Variants in CCNL1 observed in about 807,000 individuals in gnomAD.
The protein encoded by CCNL1 is cyclin L1.
CCNL1 carries 13 observed loss-of-function variants against 60.6 expected under a neutral mutation model. The observed-to-expected ratio is 0.21, with a 90% CI of 0.14 to 0.34. The LOEUF (loss-of-function observed/expected upper bound fraction) is 0.34, where lower values mean the gene tolerates loss of function less well. Ranked by LOEUF, CCNL1 falls within the 10% of genes least tolerant of loss-of-function variation. The probability of loss-of-function intolerance (pLI) is 1.00; values close to 1 mark genes in which losing one functional copy is unlikely to be tolerated. For synonymous variants in CCNL1, 270 were observed against 244.3 expected (o/e 1.10, Z -0.98); for missense variants, 481 against 664.3 (o/e 0.72, Z 3.03).
At chr3:157,146,061 G>A (rs1737775026), downstream of CCNL1, among the ~76,000 whole-genome samples, 1 of 152,214 alleles carries the variant, frequency 6.6e-6, no homozygotes, top group South Asian at 2.1e-4. Flanking sequence ...CTTGTGGACT[G>A]AGACACTTGG....
At chr3:157,145,466 C>CAAAAAAAAAAAAAAAAAAAAAA (rs1737755942), downstream of CCNL1, among the ~76,000 whole-genome samples, 18 of 88,976 alleles carry the variant, frequency 2.0e-4, 2 homozygotes, top group African/African-American at 7.8e-4. Context: ...AAAAAAAAAC[C>CAAAAAAAAAAAAAAAAAAAAAA]AAAACGGGAT....
At position 157,149,552 on chromosome 3, in the gene CCNL1, T is replaced by C. The variant is rs753890704; in HGVS notation, c.1066A>G (p.Ile356Val). Residue 356 changes from isoleucine (I) to valine (V), a missense_variant, in exon 9 of 11, where the codon ATT becomes GTT. Ile to Val is a conservative substitution (Grantham distance 29). Around this residue, in one of 5 missense-constraint regions of CCNL1, gnomAD observed 197 missense variants for 233.9 expected, o/e 0.84. Transcript: ENST00000295926. ...TCTTTTTTGACTGTCTTCACATTAA[T>C]GGAGATTGGTGATTTCTCTTCAGCT... is the stretch of plus-strand genomic sequence containing the variant. The part of the protein sequence containing the change: ...VKAEEKSPIS[I>V]NVKTVKKEPE... 14 of 1,613,934 alleles carry C rather than the reference T, an allele frequency of 8.7e-6. No individual in the cohort carries two copies. The East Asian group carries it at 2.9e-4, about 33-fold the overall frequency.
downstream of CCNL1, among the ~76,000 whole-genome samples, chr3:157,147,052 G>A (rs951755052): frequency 1.3e-5 from 2 of 152,188 alleles, no homozygotes; most frequent in Non-Finnish European, 2.9e-5. Flanking sequence ...TTCAGAAGCT[G>A]TAACTTTATT....
At chr3:157,158,813 G>A in intron 3 of CCNL1, 53 bp downstream of exon 3, 3 of 1,131,894 alleles carry the variant, frequency 2.7e-6, no homozygotes, top group Non-Finnish European at 4.0e-6. Flanking sequence ...TTGATGACTG[G>A]TGCACGGTAC....
At chr3:157,157,804 G>A (rs986991112) in intron 3 of CCNL1, among the ~76,000 whole-genome samples, 6 of 152,280 alleles carry the variant, frequency 3.9e-5, no homozygotes, top group African/African-American at 1.4e-4. Context: ...TCACAGAATA[G>A]ACTAGTCATC....
At chr3:157,158,748 T>G in intron 3 of CCNL1, 118 bp downstream of exon 3, 3 of 630,894 alleles carry the variant, frequency 4.8e-6, no homozygotes, top group Non-Finnish European at 8.3e-6. Context: ...AACACCTAAA[T>G]TAAAGTCCGT....
At chr3:157,147,077 T>C (rs1577066180), downstream of CCNL1, among the ~76,000 whole-genome samples, 3 of 152,336 alleles carry the variant, frequency 2.0e-5, no homozygotes, top group South Asian at 6.2e-4. Flanking sequence ...AAAATATCCT[T>C]AGCAGTAATA....
chr3:157,144,413 G>T (rs1737725258), downstream of CCNL1, among the ~76,000 whole-genome samples: 1 of 152,202 alleles, frequency 6.6e-6, no homozygotes, highest in Non-Finnish European at 1.5e-5. Flanking sequence ...TACACAAAAT[G>T]TTGTAAGGGC....
Position 157,148,219 on chromosome 3 carries a change from G to A in CCNL1, c.*22C>T. 1 of 1,601,894 alleles carries A rather than the reference G, an allele frequency of 6.2e-7. No homozygotes were observed. Among genetic ancestry groups the A allele is most frequent in the Non-Finnish European group, 8.5e-7 (1 of 1,173,474 alleles). ...TAGATAGGCAAAACCAAGAACTGATGCAGGCTCAAAGGAAGAGAAAGTCAG... is the reference window on the plus strand; with the variant it reads ...TAGATAGGCAAAACCAAGAACTGATACAGGCTCAAAGGAAGAGAAAGTCAG... On this transcript the variant is annotated 3_prime_UTR_variant, in exon 11 of 11. Transcript: ENST00000295926.
At chr3:157,156,024 G>C (rs1303923077) in intron 3 of CCNL1, among the ~76,000 whole-genome samples, 1 of 152,170 alleles carries the variant, frequency 6.6e-6, no homozygotes, top group Non-Finnish European at 1.5e-5. Flanking sequence ...TGGTTTGTTA[G>C]AGGAGCTATT....
intron 4 of CCNL1, chr3:157,152,788 C>T: frequency 8.2e-7 from 1 of 1,219,706 alleles, no homozygotes; most frequent in South Asian, 2.0e-5. Context: ...ACTTTAACCA[C>T]AGAAACAAAA....
At chr3:157,156,567 A>C (rs1339737793) in intron 3 of CCNL1, among the ~76,000 whole-genome samples, 5 of 152,194 alleles carry the variant, frequency 3.3e-5, no homozygotes, top group Non-Finnish European at 5.9e-5. Context: ...TGAAGGAGGA[A>C]TAGGCCAAAC....
At chr3:157,155,625 C>T (rs547943129) in intron 3 of CCNL1, among the ~76,000 whole-genome samples, 120 of 152,204 alleles carry the variant, frequency 7.9e-4, no homozygotes, top group African/African-American at 2.7e-3. Context: ...ACGGTGCACA[C>T]GTAATTTACA....
downstream of CCNL1, among the ~76,000 whole-genome samples, chr3:157,145,396 C>CCACTG (rs1737747899): frequency 1.5e-5 from 2 of 132,332 alleles, no homozygotes; most frequent in Middle Eastern, 4.3e-3. Context: ...CGAGATCGTG[C>CCACTG]CACTGCACTC....
rs2108106173 is a variant in CCNL1, at chr3:157,147,735, G to A, written c.*506C>T. ...ATAAGTTTGTCAGAAAACCAGTACA[G>A]CCATTTTGCTATTAAAATTTTCCTT... On this transcript the variant is annotated 3_prime_UTR_variant, in exon 11 of 11. Coordinates refer to ENST00000295926, the MANE Select transcript of CCNL1 (RefSeq NM_020307.4). 4.1e-6 allele frequency: 4 copies of A among 984,530 alleles called. No homozygotes were observed. The Middle Eastern group carries it at 1.6e-3, about 386-fold the overall frequency. 61.0% of individuals were successfully genotyped at this position (984,530 alleles called of 1,614,324 possible). A position where few individuals can be genotyped will look rare whatever the true frequency, so the allele number is the denominator to read the frequency against.
chr3:157,152,812 G>A lies in CCNL1; in HGVS notation c.609+224C>T. 6 of 1,275,904 alleles carry A rather than the reference G, an allele frequency of 4.7e-6. No homozygotes were observed. In the South Asian group the frequency reaches 5.8e-5, roughly 12 times the overall value. The allele number at this position is 1,275,904 out of a possible 1,614,324, so 79.0% of individuals were successfully genotyped here. A position where few individuals can be genotyped will look rare whatever the true frequency, so the allele number is the denominator to read the frequency against. ...ACAGAAACAAAAATAACTTCTCTAT[G>A]AGCACACAATTAAGATTTAAGATTT... On this transcript the variant is annotated intron_variant, in intron 4 of 10. Coordinates refer to ENST00000295926, the MANE Select transcript of CCNL1 (RefSeq NM_020307.4).
downstream of CCNL1, among the ~76,000 whole-genome samples, chr3:157,145,466 C>CAAAAAAAAAAAAAAAAAAAAAAAAA (rs1737755942): frequency 1.1e-4 from 10 of 88,974 alleles, 3 homozygotes; most frequent in African/African-American, 4.1e-4. Context: ...AAAAAAAAAC[C>CAAAAAAAAAAAAAAAAAAAAAAAAA]AAAACGGGAT....
At position 157,150,322 on chromosome 3, in the gene CCNL1, A is replaced by G; in HGVS notation, c.734T>C (p.Ile245Thr). 5 of 1,614,046 alleles carry G rather than the reference A, an allele frequency of 3.1e-6. No individual in the cohort carries two copies. Among genetic ancestry groups the G allele is most frequent in the Non-Finnish European group, 4.2e-6 (5 of 1,179,930 alleles). ...NVFVRFQPET[I>T]ACACIYLAAR... Reference sequence around the variant, plus strand: ...TGCAAGGTAGATGCAAGCACATGCTATAGTCTCTGGTTGAAATCGAACAAA... The same window carrying G: ...TGCAAGGTAGATGCAAGCACATGCTGTAGTCTCTGGTTGAAATCGAACAAA... Residue 245 changes from isoleucine to threonine, a missense_variant, in exon 6 of 11, where the codon ATA (isoleucine) becomes ACA (threonine). Ile to Thr is a moderately conservative substitution (Grantham distance 89). Around this residue, in one of 5 missense-constraint regions of CCNL1, gnomAD observed 75 missense variants for 129.6 expected, o/e 0.58. Transcript: ENST00000295926.
intron 10 of CCNL1, 56 bp from the exon 11 acceptor site, chr3:157,148,645 C>A (rs1360857008): frequency 2.7e-6 from 4 of 1,460,920 alleles, no homozygotes; most frequent in Non-Finnish European, 3.7e-6. Flanking sequence ...ACAGATTATT[C>A]CGGTGGTTGC....
Sources: gnomAD v4.1 joint callset for allele counts (sites outside exome capture counted in the v4.1 genomes callset) on GRCh38, gnomAD v4.1.1 for gene constraint, gnomAD v4.1.1 regional missense constraint, MANE v1.5 for transcripts, NCBI Gene and HGNC (gene_info 2026-07-23, HGNC 2026-07-21) for gene names.